OTULINL: variants seen among roughly 807,000 people sequenced by gnomAD.
The protein encoded by OTULINL is inactive ubiquitin thioesterase OTULINL.
A neutral mutation model predicts 43.9 loss-of-function variants in OTULINL; 42 were observed. The observed-to-expected ratio is 0.96, with a 90% CI of 0.75 to 1.24. The LOEUF (loss-of-function observed/expected upper bound fraction) is 1.24, where lower values mean the gene tolerates loss of function less well. OTULINL is among the 50% of genes most tolerant of loss of function. The pLI, the probability that OTULINL is intolerant of heterozygous loss-of-function variation, is 0.00. For synonymous variants in OTULINL, 172 were observed against 153.6 expected, an observed-to-expected ratio of 1.12 and a Z score of -0.88; for missense variants, 411 against 426.4, an observed-to-expected ratio of 0.96 and a Z score of 0.32.
chr5:14,582,051 C>T (rs915263217), intron 1 of OTULINL, 93 bp downstream of exon 1: 3 of 909,268 alleles, frequency 3.3e-6, no homozygotes, highest in Admixed American at 9.3e-5. Flanking sequence ...GCGCCCTCCT[C>T]GGCGGCCACC....
intron 7 of OTULINL, 115 bp from the exon 8 acceptor site, chr5:14,610,026 G>A: frequency 1.2e-6 from 1 of 831,508 alleles, no homozygotes; most frequent in African/African-American, 1.7e-5. Flanking sequence ...GTATGGGTGG[G>A]TCTGTCAACA....
Position 14,613,138 on chromosome 5 carries a change from A to G in OTULINL, c.*2824A>G, listed in dbSNP as rs1361785123. Among the ~76,000 whole-genome samples the G allele has an allele frequency of 6.6e-6, 1 of 152,124 alleles. No homozygotes were observed. The highest frequency in any genetic ancestry group is 2.4e-5 in the African/African-American group (1 of 41,404). ...GGGGTTTCACCATTTAGCCAGGCTG[A>G]TCTGAACTCCTGACCTTGGGCGATC... On this transcript the variant is annotated 3_prime_UTR_variant, in exon 8 of 8. Coordinates refer to ENST00000274217, the MANE Select transcript of OTULINL (RefSeq NM_019018.3).
chr5:14,584,372 G>T (rs1759069474), intron 1 of OTULINL, among the ~76,000 whole-genome samples: 1 of 152,188 alleles, frequency 6.6e-6, no homozygotes, highest in African/African-American at 2.4e-5. Flanking sequence ...GAATAGGAAT[G>T]CCCAGTGTGG....
intron 1 of OTULINL, among the ~76,000 whole-genome samples, chr5:14,594,650 G>A (rs948527831): frequency 6.6e-6 from 1 of 152,150 alleles, no homozygotes; most frequent in Admixed American, 6.5e-5. Context: ...GGAAGGGAGC[G>A]GGCAGCCCTT....
At position 14,581,810 on chromosome 5, in the gene OTULINL, C is replaced by G; in HGVS notation, c.-85C>G. 5.2e-6 allele frequency: 6 copies of G among 1,143,752 alleles called. No homozygotes were observed. The highest frequency in any genetic ancestry group is 6.7e-6 in the Non-Finnish European group (6 of 895,254). The allele number at this position is 1,143,752 out of a possible 1,614,324, so 70.9% of individuals were successfully genotyped here. A position where few individuals can be genotyped will look rare whatever the true frequency, so the allele number is the denominator to read the frequency against. On this transcript the variant is annotated 5_prime_UTR_variant, in exon 1 of 8. Coordinates refer to ENST00000274217, the MANE Select transcript of OTULINL (RefSeq NM_019018.3). ...CCAGCCCGCCTCAGGGAAGCGAGCC[C>G]GGGCGCCGGCGGGCGGCCGTCGCGT...
In OTULINL at chr5:14,607,365, T is replaced by G; in HGVS notation, c.534T>G (p.Asn178Lys). The G allele has an allele frequency of 6.2e-7, 1 of 1,613,984 alleles. No homozygotes were observed. The highest frequency in any genetic ancestry group is 8.5e-7 in the Non-Finnish European group (1 of 1,179,962). ...PEKLLFSQGC[N>K]WIQQYSFGPE... ...AACTGCTGTTTTCACAAGGTTGTAA[T>G]TGGATTCAGCAGTACAGTTTTGGTC... Residue 178 changes from asparagine (N) to lysine (K), a missense_variant, in exon 6 of 8, where the codon AAT becomes AAG. By Grantham distance (94) the Asn-to-Lys change is moderately conservative. Coordinates refer to ENST00000274217, the MANE Select transcript of OTULINL (RefSeq NM_019018.3).
intron 1 of OTULINL, among the ~76,000 whole-genome samples, chr5:14,595,847 T>C (rs911263541): frequency 3.3e-5 from 5 of 152,006 alleles, no homozygotes; most frequent in African/African-American, 4.8e-5. Context: ...CATGCATTAA[T>C]GCTGATGACT....
In OTULINL at chr5:14,602,279, T is replaced by C. The variant is rs756853225; in HGVS notation, c.445T>C (p.Phe149Leu). 7 of 1,613,968 alleles carry C rather than the reference T, an allele frequency of 4.3e-6. No individual in the cohort carries two copies. Among genetic ancestry groups the C allele is most frequent in the African/African-American group, 2.7e-5 (2 of 75,068 alleles). ...TCTCAGATCAGTGTTATTTCAGATATTCAGCCAGGGCATCTCTTTTCCATC... is the reference window on the plus strand; with the variant it reads ...TCTCAGATCAGTGTTATTTCAGATACTCAGCCAGGGCATCTCTTTTCCATC... ...DALRSVLFQI[F>L]SQGISFPSWM... The change falls in exon 5 of 8, where the codon TTC becomes CTC. Residue 149 changes from phenylalanine (F) to leucine (L), a missense_variant. Phe to Leu is a conservative substitution (Grantham distance 22). Transcript: ENST00000274217.
In OTULINL at chr5:14,614,303, T is replaced by TG. The variant is rs1253131433; in HGVS notation, c.*3992dup. On this transcript the variant is annotated 3_prime_UTR_variant, in exon 8 of 8. Coordinates refer to ENST00000274217, the MANE Select transcript of OTULINL (RefSeq NM_019018.3). ...ATTTAATTAACTTATTGACTATATA[T>TG]GGGTATACTTTTCTCTATAGCCATT... Among the ~76,000 whole-genome samples, 4 of 152,246 alleles carry TG rather than the reference T, an allele frequency of 2.6e-5. No individual in the cohort carries two copies. The highest frequency in any genetic ancestry group is 9.6e-5 in the African/African-American group (4 of 41,466).
chr5:14,605,798 G>A (rs1759464751), intron 5 of OTULINL, among the ~76,000 whole-genome samples: 1 of 152,132 alleles, frequency 6.6e-6, no homozygotes, highest in Admixed American at 6.6e-5. Context: ...CAGTTTCCAA[G>A]TTCCTCATCT....
chr5:14,593,998 A>G (rs937384756), intron 1 of OTULINL, among the ~76,000 whole-genome samples: 17 of 152,176 alleles, frequency 1.1e-4, no homozygotes, highest in Admixed American at 4.6e-4. Flanking sequence ...GTTGTTGGTT[A>G]TTGTATTCTA....
intron 5 of OTULINL, among the ~76,000 whole-genome samples, chr5:14,602,963 C>T (rs1759414885): frequency 6.6e-6 from 1 of 152,144 alleles, no homozygotes; most frequent in Non-Finnish European, 1.5e-5. Context: ...CCCAAAGATT[C>T]TCTTGTATAC....
At chr5:14,591,160 A>G (rs1443517856) in intron 1 of OTULINL, among the ~76,000 whole-genome samples, 1 of 152,208 alleles carries the variant, frequency 6.6e-6, no homozygotes, top group Non-Finnish European at 1.5e-5. Flanking sequence ...AGGTCAAAGC[A>G]GTGAGCCAAA....
chr5:14,589,841 A>G (rs1245020703), intron 1 of OTULINL, among the ~76,000 whole-genome samples: 1 of 152,096 alleles, frequency 6.6e-6, no homozygotes, highest in Admixed American at 6.5e-5. Context: ...AATCCCAACT[A>G]TTGGGGGGCT....
intron 1 of OTULINL, among the ~76,000 whole-genome samples, chr5:14,590,682 T>C (rs1410324800): frequency 2.0e-5 from 3 of 152,108 alleles, no homozygotes; most frequent in African/African-American, 4.8e-5. Context: ...TCCCAGGGGA[T>C]GGGTGAGAGG....
intron 1 of OTULINL, among the ~76,000 whole-genome samples, chr5:14,582,568 G>A (rs1407344768): frequency 2.6e-5 from 4 of 152,138 alleles, no homozygotes; most frequent in Non-Finnish European, 5.9e-5. Context: ...GGCCGAGGCT[G>A]GCGGATCACG....
chr5:14,601,289 G>C (rs1759384796), intron 3 of OTULINL, 45 bp downstream of exon 3: 1 of 1,609,998 alleles, frequency 6.2e-7, no homozygotes. Flanking sequence ...AAGGTGCAGA[G>C]AGGGTTCAAG....
Position 14,610,236 on chromosome 5 carries a change from A to G in OTULINL, c.993A>G (p.Pro331=). The change falls in exon 8 of 8, where the codon CCA becomes CCG. Residue 331 remains proline (P), a synonymous_variant. Coordinates refer to ENST00000274217, the MANE Select transcript of OTULINL (RefSeq NM_019018.3). Reference sequence around the variant, plus strand: ...CCAGAGACTTTGAAGTCTGCTACCCAGAGGAGCCTCTCAGGGACTGGCCGG... The same window carrying G: ...CCAGAGACTTTGAAGTCTGCTACCCGGAGGAGCCTCTCAGGGACTGGCCGG... ...FNSRDFEVCY[P]EEPLRDWPEI... 6.2e-7 allele frequency: 1 copy of G among 1,613,922 alleles called. No homozygotes were observed. Among genetic ancestry groups the G allele is most frequent in the Non-Finnish European group, 8.5e-7 (1 of 1,179,858 alleles).
chr5:14,615,085 A>C lies in OTULINL; in HGVS notation c.*4771A>C, dbSNP rs1020093550. 27 of 220,462 alleles carry C rather than the reference A, an allele frequency of 1.2e-4. No individual in the cohort carries two copies. Among genetic ancestry groups the C allele is most frequent in the African/African-American group, 6.1e-4 (27 of 44,354 alleles). 13.7% of individuals were successfully genotyped at this position (220,462 alleles called of 1,614,324 possible). A position where few individuals can be genotyped will look rare whatever the true frequency, so the allele number is the denominator to read the frequency against. ...TTTAAAACAGAAACATCAAGGTGTCAGCAATCATGATTTTGTTTTGCTTGT... is the reference window on the plus strand; with the variant it reads ...TTTAAAACAGAAACATCAAGGTGTCCGCAATCATGATTTTGTTTTGCTTGT... On this transcript the variant is annotated 3_prime_UTR_variant, in exon 8 of 8. Coordinates refer to ENST00000274217, the MANE Select transcript of OTULINL (RefSeq NM_019018.3).
Sources: allele counts gnomAD v4.1 joint callset (sites outside exome capture counted in the v4.1 genomes callset), GRCh38; gene constraint gnomAD v4.1.1; transcripts MANE v1.5; gene names NCBI Gene and HGNC (gene_info 2026-07-23, HGNC 2026-07-21).